The following LAMA2 variants were observed in gnomAD, a reference collection of about 807,000 sequenced individuals.
LAMA2 encodes the protein laminin subunit alpha-2.
A neutral mutation model predicts 364.8 loss-of-function variants in LAMA2; 269 were observed. That is an observed-to-expected ratio of 0.74 (90% CI 0.67 to 0.82). The LOEUF is 0.82. LAMA2 is among the 40% of genes least tolerant of loss of function. LAMA2 has a pLI of 0.00. For synonymous variants in LAMA2, 1,379 were observed against 1,370.6 expected, an observed-to-expected ratio of 1.01 and a Z score of -0.14; for missense variants, 3,807 against 3,873.2, an observed-to-expected ratio of 0.98 and a Z score of 0.45.
At chr6:128,926,968 T>C (rs1779141228) in intron 1 of LAMA2, among the ~76,000 whole-genome samples, 1 of 152,214 alleles carries the variant, frequency 6.6e-6, no homozygotes, top group Non-Finnish European at 1.5e-5. Context: ...TTGAATACAT[T>C]CATCCTCTAA....
chr6:129,015,373 C>G (rs541335533), intron 1 of LAMA2, among the ~76,000 whole-genome samples: 2 of 152,028 alleles, frequency 1.3e-5, no homozygotes, highest in African/African-American at 2.4e-5. Flanking sequence ...CCCCATAAGA[C>G]AGGAAAGATA....
chr6:128,978,018 A>T (rs1348646490), intron 1 of LAMA2, among the ~76,000 whole-genome samples: 2 of 152,246 alleles, frequency 1.3e-5, no homozygotes, highest in African/African-American at 4.8e-5. Context: ...TGATATCATT[A>T]AAAACAAGCC....
chr6:129,071,107 G>A (rs1773278326), intron 3 of LAMA2, among the ~76,000 whole-genome samples: 3 of 152,164 alleles, frequency 2.0e-5, no homozygotes, highest in Admixed American at 2.0e-4. Flanking sequence ...TATAATAAAT[G>A]TGGGACTCAC....
chr6:129,411,753 T>C (rs1457468994), intron 40 of LAMA2, among the ~76,000 whole-genome samples: 1 of 151,428 alleles, frequency 6.6e-6, no homozygotes, highest in Admixed American at 6.6e-5. Flanking sequence ...CACTGAACTA[T>C]AATAAAATTC....
chr6:129,507,478 T>C lies in LAMA2; in HGVS notation c.8704-11T>C, dbSNP rs1038229960. 1.2e-6 allele frequency: 2 copies of C among 1,613,930 alleles called. No individual in the cohort carries two copies. ...AACCTGACATTTGTTTCTTCTGATCTGAATGTTTAGGTGACCTATAGCATT... is the reference window on the plus strand; with the variant it reads ...AACCTGACATTTGTTTCTTCTGATCCGAATGTTTAGGTGACCTATAGCATT... On this transcript the variant is annotated splice_polypyrimidine_tract_variant and intron_variant, in intron 61 of 64. Transcript: ENST00000421865.
At chr6:129,129,352 T>C (rs1001375113) in intron 4 of LAMA2, among the ~76,000 whole-genome samples, 2 of 152,220 alleles carry the variant, frequency 1.3e-5, no homozygotes, top group Admixed American at 6.5e-5. Flanking sequence ...AATTAACTAA[T>C]GTGTTAACCT....
chr6:129,484,341 A>G (rs1784494772), intron 55 of LAMA2, among the ~76,000 whole-genome samples: 1 of 152,232 alleles, frequency 6.6e-6, no homozygotes, highest in African/African-American at 2.4e-5. Flanking sequence ...AAATTTCTAA[A>G]GTCACTTTGG....
intron 51 of LAMA2, among the ~76,000 whole-genome samples, chr6:129,468,670 G>A (rs1432860970): frequency 6.6e-6 from 1 of 151,858 alleles, no homozygotes; most frequent in Admixed American, 6.6e-5. Context: ...ACTTAAAGCA[G>A]TAAAATCTAA....
intron 53 of LAMA2, among the ~76,000 whole-genome samples, chr6:129,478,301 GT>G (rs1236797214): frequency 8.6e-5 from 13 of 151,750 alleles, no homozygotes. Flanking sequence ...TTTGAGCAAG[GT>G]TTTTAAAAAC....
chr6:129,511,261 C>T (rs1786548294), intron 62 of LAMA2, among the ~76,000 whole-genome samples: 1 of 151,816 alleles, frequency 6.6e-6, no homozygotes, highest in African/African-American at 2.4e-5. Flanking sequence ...ATCACTGGGG[C>T]TTTTTTTTGG....
chr6:129,027,889 A>G (rs921406559), intron 1 of LAMA2, among the ~76,000 whole-genome samples: 1 of 151,822 alleles, frequency 6.6e-6, no homozygotes, highest in African/African-American at 2.4e-5. Context: ...ATTATGATAT[A>G]CTATACTTGA....
At chr6:129,159,666 A>G (rs1779340707) in intron 8 of LAMA2, among the ~76,000 whole-genome samples, 1 of 152,216 alleles carries the variant, frequency 6.6e-6, no homozygotes, top group African/African-American at 2.4e-5. Flanking sequence ...GAGAGCTGAC[A>G]TCTTCACTTT....
intron 1 of LAMA2, among the ~76,000 whole-genome samples, chr6:129,034,626 C>T (rs1786486153): frequency 6.6e-6 from 1 of 152,096 alleles, no homozygotes; most frequent in Non-Finnish European, 1.5e-5. Context: ...ATTCCTCTCC[C>T]AGCCTCTTCC....
intron 1 of LAMA2, among the ~76,000 whole-genome samples, chr6:128,930,283 G>C (rs1285532058): frequency 6.6e-6 from 1 of 152,166 alleles, no homozygotes; most frequent in Middle Eastern, 3.2e-3. Flanking sequence ...CACCCTCATT[G>C]ACTGAACTAT....
intron 34 of LAMA2, among the ~76,000 whole-genome samples, chr6:129,377,154 A>C (rs1284758813): frequency 6.6e-6 from 1 of 152,066 alleles, no homozygotes; most frequent in African/African-American, 2.4e-5. Context: ...CTGTAAGGGG[A>C]GAATGCTATG....
rs926044645 is a variant in LAMA2 at position 129,019,753 on chromosome 6, C to T, written c.113-30165C>T. On this transcript the variant is annotated intron_variant, in intron 1 of 64. Coordinates refer to ENST00000421865, the MANE Select transcript of LAMA2 (RefSeq NM_000426.4). ...CCTACTAACATTTAACTGTGATATCCTAAAATGGCCTGATTGAGGAACTGA... is the reference window on the plus strand; with the variant it reads ...CCTACTAACATTTAACTGTGATATCTTAAAATGGCCTGATTGAGGAACTGA... Among the ~76,000 whole-genome samples the T allele has an allele frequency of 5.9e-5, 9 of 152,170 alleles. 2 individuals carry two copies. Among genetic ancestry groups the T allele is most frequent in the Admixed American group, 5.9e-4 (9 of 15,282 alleles).
At chr6:129,475,482 A>G in intron 53 of LAMA2, 81 bp downstream of exon 53, 1 of 992,490 alleles carries the variant, frequency 1.0e-6, no homozygotes, top group South Asian at 1.4e-5. Context: ...AGCCGTGCAG[A>G]AGCAGAGCAA....
chr6:129,428,253 G>T (rs1225878480), intron 41 of LAMA2, among the ~76,000 whole-genome samples: 1 of 152,104 alleles, frequency 6.6e-6, no homozygotes, highest in Non-Finnish European at 1.5e-5. Flanking sequence ...AACATAGCAA[G>T]ATCCTGTCTC....
chr6:129,216,166 C>G (rs964091267), intron 12 of LAMA2, among the ~76,000 whole-genome samples: 47 of 152,152 alleles, frequency 3.1e-4, no homozygotes, highest in African/African-American at 1.1e-3. Context: ...CAACTGCAGT[C>G]TATAGCTACA....
Sources: allele counts gnomAD v4.1 joint callset (sites outside exome capture counted in the v4.1 genomes callset), GRCh38; gene constraint gnomAD v4.1.1; transcripts MANE v1.5; gene names NCBI Gene and HGNC (gene_info 2026-07-23, HGNC 2026-07-21).